Variants in NUP155 observed in about 807,000 individuals in gnomAD.
The protein encoded by NUP155 is nucleoporin 155, also known as nuclear pore complex protein Nup155.
A neutral mutation model predicts 180.4 loss-of-function variants in NUP155; 71 were observed. The observed-to-expected ratio is 0.39, with a 90% CI of 0.33 to 0.48. The LOEUF is 0.48. Ranked by LOEUF, NUP155 falls within the 20% of genes least tolerant of loss-of-function variation. The pLI, the probability that NUP155 is intolerant of heterozygous loss-of-function variation, is 0.91. For synonymous variants in NUP155, 582 were observed against 559.5 expected, an observed-to-expected ratio of 1.04 and a Z score of -0.57; for missense variants, 1,553 against 1,648.9, an observed-to-expected ratio of 0.94 and a Z score of 1.01.
intron 34 of NUP155, 111 bp from the exon 35 acceptor site, chr5:37,292,149 C>G: frequency 1.0e-6 from 1 of 984,616 alleles, no homozygotes; most frequent in Admixed American, 2.0e-5. Flanking sequence ...GAGGAAAGAC[C>G]ATGTGATTAA....
intron 29 of NUP155, among the ~76,000 whole-genome samples, chr5:37,302,245 T>G (rs1353704392): frequency 6.6e-6 from 1 of 152,302 alleles, no homozygotes; most frequent in Admixed American, 6.5e-5. Flanking sequence ...ATTATTATTA[T>G]TTTTTGAGAC....
At chr5:37,365,711 G>GAA (rs1747518236) in intron 1 of NUP155, among the ~76,000 whole-genome samples, 7 of 34,012 alleles carry the variant, frequency 2.1e-4, no homozygotes, top group Non-Finnish European at 2.4e-4. Flanking sequence ...CTGTCTCGGG[G>GAA]AGAAAAAAAA....
In NUP155 at chr5:37,289,139, C is replaced by CA. The variant is rs1462566757; in HGVS notation, c.*2760dup. ...CAGCCTGGGCAACAAGAGCAAAACT[C>CA]AGTCTCAAACAAACAAACAGACAAT... is the stretch of plus-strand genomic sequence containing the variant. On this transcript the variant is annotated 3_prime_UTR_variant, in exon 35 of 35. Coordinates refer to ENST00000231498, the MANE Select transcript of NUP155 (RefSeq NM_153485.3). 3.8e-5 allele frequency: 6 copies of CA among 158,748 alleles called. No homozygotes were observed. Among genetic ancestry groups the CA allele is most frequent in the Admixed American group, 1.3e-4 (2 of 15,392 alleles). 9.8% of individuals were successfully genotyped at this position (158,748 alleles called of 1,614,324 possible). A position where few individuals can be genotyped will look rare whatever the true frequency, so the allele number is the denominator to read the frequency against.
chr5:37,368,435 A>G (rs1350319014), intron 1 of NUP155, among the ~76,000 whole-genome samples: 1 of 151,268 alleles, frequency 6.6e-6, no homozygotes, highest in African/African-American at 2.4e-5. Context: ...GTTTTGCCAT[A>G]TTGCCAAGAC....
intron 3 of NUP155, among the ~76,000 whole-genome samples, chr5:37,359,829 T>C (rs1338567211): frequency 6.6e-6 from 1 of 152,174 alleles, no homozygotes; most frequent in Non-Finnish European, 1.5e-5. Flanking sequence ...ATAGGCTTTA[T>C]ATAGGAAAAA....
At chr5:37,329,059 A>G in intron 16 of NUP155, 131 bp downstream of exon 16, 1 of 708,782 alleles carries the variant, frequency 1.4e-6, no homozygotes, top group Non-Finnish European at 2.5e-6. Flanking sequence ...ATCAGAATCT[A>G]TAGATGTATT....
At chr5:37,321,707 ACT>A (rs1744256757) in intron 20 of NUP155, among the ~76,000 whole-genome samples, 2 of 152,042 alleles carry the variant, frequency 1.3e-5, no homozygotes, top group Admixed American at 6.6e-5. Context: ...ACAGAGCAAG[ACT>A]CTGCCTCGGC....
At chr5:37,330,703 G>T (rs1744900418) in intron 14 of NUP155, among the ~76,000 whole-genome samples, 2 of 152,000 alleles carry the variant, frequency 1.3e-5, no homozygotes, top group Non-Finnish European at 2.9e-5. Flanking sequence ...TGTTGCCTCA[G>T]GTTTCTTCCT....
At chr5:37,362,794 A>G (rs931382085) in intron 3 of NUP155, among the ~76,000 whole-genome samples, 3 of 152,204 alleles carry the variant, frequency 2.0e-5, no homozygotes, top group Non-Finnish European at 4.4e-5. Flanking sequence ...TGCTATTACA[A>G]CTATTACATT....
rs1747518236 is a variant in NUP155 at position 37,365,711 on chromosome 5, G to GAAAAA, written c.158-1328_158-1327insTTTTT. 1.7e-3 allele frequency among the ~76,000 whole-genome samples: 58 copies of GAAAAA among 34,008 alleles called. 10 individuals carry two copies. The highest frequency in any genetic ancestry group is 4.4e-3 in the African/African-American group (28 of 6,320). 22.3% of individuals were successfully genotyped at this position (34,008 alleles called of 152,430 possible). The stretch of plus-strand genomic sequence containing the variant: ...TGACAGAGCAAGACTCTGTCTCGGG[G>GAAAAA]AGAAAAAAAAAAAAAAAAAAAAAAA... On this transcript the variant is annotated intron_variant, in intron 1 of 34. Coordinates refer to ENST00000231498, the MANE Select transcript of NUP155 (RefSeq NM_153485.3).
intron 33 of NUP155, 139 bp downstream of exon 33, chr5:37,294,190 G>T (rs1742393370): frequency 1.7e-6 from 1 of 605,292 alleles, no homozygotes; most frequent in Non-Finnish European, 2.9e-6. Context: ...AAAGTCAAAA[G>T]CATAATTTCC....
In NUP155 at chr5:37,302,842, G is replaced by A. The variant is rs1158012878; in HGVS notation, c.3384C>T (p.Ser1128=). 1 of 1,613,822 alleles carries A rather than the reference G, an allele frequency of 6.2e-7. No homozygotes were observed. The highest frequency in any genetic ancestry group is 1.3e-5 in the African/African-American group (1 of 75,036). ...IARAILSAKS[S]TAISSIAADG... ...CGGCAGCTATTGATGAAATGGCAGTGGAACTTTTGGCACTAAGAATGGCTC... is the reference window on the plus strand; with the variant it reads ...CGGCAGCTATTGATGAAATGGCAGTAGAACTTTTGGCACTAAGAATGGCTC... Residue 1128 remains serine, a synonymous_variant, in exon 29 of 35, where the codon TCC becomes TCT. Coordinates refer to ENST00000231498, the MANE Select transcript of NUP155 (RefSeq NM_153485.3).
chr5:37,318,615 A>G (rs904700422), intron 20 of NUP155, among the ~76,000 whole-genome samples: 1 of 152,216 alleles, frequency 6.6e-6, no homozygotes, highest in African/African-American at 2.4e-5. Context: ...ACCTAAGTAT[A>G]ATGCAAATAT....
rs371389922 is a variant in NUP155 at position 37,305,083 on chromosome 5, G to A, written c.3031C>T (p.Leu1011=). 611 of 1,613,554 alleles carry A rather than the reference G, an allele frequency of 3.8e-4. 1 individual carries two copies. Among genetic ancestry groups the A allele is most frequent in the Middle Eastern group, 2.3e-3 (13 of 5,748 alleles). ...PPVLSSDPNM[L]SNEEAGHHFE... Reference sequence around the variant, plus strand: ...TGATGTCCTGCTTCTTCATTACTCAGCATATTTGGATCAGATGACAACACT... The same window carrying A: ...TGATGTCCTGCTTCTTCATTACTCAACATATTTGGATCAGATGACAACACT... Residue 1011 remains leucine, a synonymous_variant, in exon 26 of 35, where the codon CTG becomes TTG. Transcript: ENST00000231498.
intron 22 of NUP155, among the ~76,000 whole-genome samples, chr5:37,312,022 A>G (rs79262117): frequency 5.0e-4 from 76 of 152,296 alleles, no homozygotes; most frequent in Non-Finnish European, 9.3e-4. Context: ...CACTGTCTCA[A>G]AAAAAATAAA....
chr5:37,364,037 CT>C (rs1747387611), intron 2 of NUP155, 53 bp from the exon 3 acceptor site: 2 of 1,383,044 alleles, frequency 1.4e-6, no homozygotes, highest in Non-Finnish European at 2.1e-6. Flanking sequence ...TCTTCTTTAA[CT>C]TGTTTCAATA....
chr5:37,351,428 C>T (rs886333791), intron 5 of NUP155, 72 bp from the exon 6 acceptor site: 4 of 1,070,616 alleles, frequency 3.7e-6, no homozygotes, highest in Non-Finnish European at 5.7e-6. Flanking sequence ...GCATTATCAT[C>T]AGAATCTATA....
intron 1 of NUP155, among the ~76,000 whole-genome samples, chr5:37,365,711 GAGAAAAAAAAAAAAA>G (rs1747521227): frequency 2.9e-5 from 1 of 34,004 alleles, no homozygotes; most frequent in Non-Finnish European, 4.7e-5. Flanking sequence ...CTGTCTCGGG[GAGAAAAAAAAAAAAA>G]AAAAAAAAAA....
At chr5:37,366,501 C>T (rs1210209612) in intron 1 of NUP155, among the ~76,000 whole-genome samples, 1 of 152,090 alleles carries the variant, frequency 6.6e-6, no homozygotes, top group Non-Finnish European at 1.5e-5. Context: ...TGCATTGGCG[C>T]GATCTCAGCT....
Sources: allele counts gnomAD v4.1 joint callset (sites outside exome capture counted in the v4.1 genomes callset), GRCh38; gene constraint gnomAD v4.1.1; transcripts MANE v1.5; gene names NCBI Gene and HGNC (gene_info 2026-07-23, HGNC 2026-07-21).